The following CDYL variants were observed in gnomAD, a reference collection of about 807,000 sequenced individuals.
The protein encoded by CDYL is chromodomain Y-like protein.
A neutral mutation model predicts 47.3 loss-of-function variants in CDYL; 8 were observed. The ratio of observed to expected loss-of-function variants is 0.17; its 90% CI spans 0.10 to 0.31. The LOEUF (loss-of-function observed/expected upper bound fraction) is 0.31. CDYL is among the 10% of genes least tolerant of loss of function. The probability of loss-of-function intolerance (pLI) is 1.00; values close to 1 mark genes in which losing one functional copy is unlikely to be tolerated. For synonymous variants in CDYL, 266 were observed against 265.0 expected (o/e 1.00, Z -0.04); for missense variants, 471 against 701.4 (o/e 0.67, Z 3.71).
chr6:4,937,740 A>T lies in CDYL; in HGVS notation c.1121+3A>T. 1 of 1,598,414 alleles carries T rather than the reference A, an allele frequency of 6.3e-7. No individual in the cohort carries two copies. On this transcript the variant is annotated splice_donor_region_variant and intron_variant, in intron 4 of 6. Coordinates refer to ENST00000397588, the MANE Select transcript of CDYL (RefSeq NM_004824.4). Reference sequence around the variant, plus strand: ...ACTAAAATGGCAGAAGCTATCAGGTATGTAAAAATGATGTTTTTTAAACAT... The same window carrying T: ...ACTAAAATGGCAGAAGCTATCAGGTTTGTAAAAATGATGTTTTTTAAACAT...
chr6:4,955,050 CTATT>C lies in CDYL; in HGVS notation c.*995_*998del, dbSNP rs1758825404. On this transcript the variant is annotated 3_prime_UTR_variant, in exon 7 of 7. Coordinates refer to ENST00000397588, the MANE Select transcript of CDYL (RefSeq NM_004824.4). ...AATAAGTTAAAATTCTTTTGGCACA[CTATT>C]AAATGCAAAAACTCCTTTCAAAACA... 6.6e-6 allele frequency: 1 copy of C among 152,562 alleles called. No homozygotes were observed. Among genetic ancestry groups the C allele is most frequent in the South Asian group, 2.1e-4 (1 of 4,824 alleles). The allele number at this position is 152,562 out of a possible 1,614,324, so 9.5% of individuals were successfully genotyped here.
At chr6:4,763,609 A>G (rs1225081283) in intron 3 of CDYL, among the ~76,000 whole-genome samples, 1 of 152,220 alleles carries the variant, frequency 6.6e-6, no homozygotes, top group Non-Finnish European at 1.5e-5. Flanking sequence ...TTAAAGGAAT[A>G]TATGGCTTTC....
Position 4,847,696 on chromosome 6 carries a change from T to C in CDYL, c.25-44017T>C, listed in dbSNP as rs1760703933. ...TCTCCAGGATCAATCAGTGTGGTAA[T>C]TTCAAATTTCATACTTTAAAAATTG... On this transcript the variant is annotated intron_variant, in intron 1 of 6. Transcript: ENST00000397588. Among the ~76,000 whole-genome samples, 6 of 152,358 alleles carry C rather than the reference T, an allele frequency of 3.9e-5. No individual in the cohort carries two copies. The South Asian group carries it at 1.2e-3, about 32-fold the overall frequency.
At chr6:4,871,174 T>G (rs550309948) in intron 1 of CDYL, among the ~76,000 whole-genome samples, 11 of 152,346 alleles carry the variant, frequency 7.2e-5, no homozygotes, top group African/African-American at 2.4e-4. Flanking sequence ...TTTTGTTCTC[T>G]TCATCACTCC....
chr6:4,756,582 G>C (rs918128327), intron 3 of CDYL, among the ~76,000 whole-genome samples: 8 of 135,326 alleles, frequency 5.9e-5, no homozygotes, highest in African/African-American at 2.1e-4. Context: ...TCGTGTGTAT[G>C]TGTGTGTGTG....
chr6:4,769,129 G>C (rs1246628542), intron 3 of CDYL, among the ~76,000 whole-genome samples: 1 of 151,972 alleles, frequency 6.6e-6, no homozygotes, highest in South Asian at 2.1e-4. Context: ...GGGATCCCGG[G>C]GCAGAAAAAA....
chr6:4,749,150 T>C (rs1582308366), intron 3 of CDYL, among the ~76,000 whole-genome samples: 1 of 152,370 alleles, frequency 6.6e-6, no homozygotes, highest in African/African-American at 2.4e-5. Flanking sequence ...AAAAGTCTGT[T>C]TTTTAAAGTA....
At chr6:4,921,436 A>T (rs1302802757) in intron 2 of CDYL, among the ~76,000 whole-genome samples, 1 of 152,166 alleles carries the variant, frequency 6.6e-6, no homozygotes, top group Non-Finnish European at 1.5e-5. Flanking sequence ...AAACAAGAAG[A>T]CATATTGGGG....
intron 1 of CDYL, among the ~76,000 whole-genome samples, chr6:4,830,305 G>A (rs919895600): frequency 6.6e-6 from 1 of 152,226 alleles, no homozygotes; most frequent in African/African-American, 2.4e-5. Context: ...CCATCTAGAA[G>A]TCATCTGGTG....
intron 1 of CDYL, among the ~76,000 whole-genome samples, chr6:4,827,135 A>G (rs1176806469): frequency 6.6e-6 from 1 of 152,180 alleles, no homozygotes; most frequent in Non-Finnish European, 1.5e-5. Context: ...TCTCTTGCTT[A>G]CTATTTACAT....
At chr6:4,798,253 A>C (rs560031466) in intron 1 of CDYL, among the ~76,000 whole-genome samples, 1 of 152,264 alleles carries the variant, frequency 6.6e-6, no homozygotes, top group Non-Finnish European at 1.5e-5. Context: ...GATTACATGC[A>C]TGAGCCACCA....
In CDYL at chr6:4,793,437, G is replaced by C. The variant is rs138179414; in HGVS notation, c.24+16630G>C. On this transcript the variant is annotated intron_variant, in intron 1 of 6. Coordinates refer to ENST00000397588, the MANE Select transcript of CDYL (RefSeq NM_004824.4). ...TTGGGACTGGGGTTGGAGTGAGGCC[G>C]GCAGGAGGCCAGTGTCTCTGGAAAC... Among the ~76,000 whole-genome samples, 6 of 152,292 alleles carry C rather than the reference G, an allele frequency of 3.9e-5. No individual in the cohort carries two copies. The East Asian group carries it at 1.2e-3, about 29-fold the overall frequency.
In CDYL at chr6:4,806,256, C is replaced by G. The variant is rs1381744238; in HGVS notation, c.24+29449C>G. ...CTCCAGCACCCTCTGTTGGCAAAGC[C>G]TGGCATCAAGCGTCACCCAGGATTT... On this transcript the variant is annotated intron_variant, in intron 1 of 6. Coordinates refer to ENST00000397588, the MANE Select transcript of CDYL (RefSeq NM_004824.4). Among the ~76,000 whole-genome samples, 4 of 152,176 alleles carry G rather than the reference C, an allele frequency of 2.6e-5. No homozygotes were observed. The East Asian group carries it at 7.7e-4, about 29-fold the overall frequency.
At chr6:4,804,083 A>G (rs1420750256) in intron 1 of CDYL, among the ~76,000 whole-genome samples, 1 of 151,756 alleles carries the variant, frequency 6.6e-6, no homozygotes, top group Admixed American at 6.6e-5. Context: ...GTCAAGGTCC[A>G]TAATTTTATG....
In CDYL at chr6:4,941,928, G is replaced by A. The variant is rs114298724; in HGVS notation, c.1122-1618G>A. ...GGAAACAGCTGTTCCTTATCATTGAGAGACAGTTCAGCAGTTTTACCTTTT... is the reference window on the plus strand; with the variant it reads ...GGAAACAGCTGTTCCTTATCATTGAAAGACAGTTCAGCAGTTTTACCTTTT... On this transcript the variant is annotated intron_variant, in intron 4 of 6. Transcript: ENST00000397588. Among the ~76,000 whole-genome samples, 210 of 152,304 alleles carry A rather than the reference G, an allele frequency of 1.4e-3. 3 individuals carry two copies. Among genetic ancestry groups the A allele is most frequent in the African/African-American group, 4.7e-3 (195 of 41,552 alleles).
At chr6:4,824,274 A>G (rs1480996407) in intron 1 of CDYL, among the ~76,000 whole-genome samples, 1 of 152,106 alleles carries the variant, frequency 6.6e-6, no homozygotes, top group Non-Finnish European at 1.5e-5. Flanking sequence ...TGCATGGTGG[A>G]TCATTGTTGG....
intron 2 of CDYL, among the ~76,000 whole-genome samples, chr6:4,893,694 CAA>C (rs760685131): frequency 7.7e-4 from 79 of 103,184 alleles, no homozygotes; most frequent in Admixed American, 4.1e-4. Flanking sequence ...CTCCGTCTCC[CAA>C]AAAAAAAAAA....
chr6:4,762,711 A>G (rs1238414922), intron 3 of CDYL, among the ~76,000 whole-genome samples: 1 of 151,590 alleles, frequency 6.6e-6, no homozygotes, highest in Admixed American at 6.6e-5. Flanking sequence ...AAGAATTTGT[A>G]AACCAAAAGA....
At chr6:4,762,340 A>G (rs1357408836) in intron 3 of CDYL, among the ~76,000 whole-genome samples, 1 of 152,214 alleles carries the variant, frequency 6.6e-6, no homozygotes, top group African/African-American at 2.4e-5. Flanking sequence ...GGAGAAATAT[A>G]ACATCATCTC....
Sources: gnomAD v4.1 joint callset for allele counts (sites outside exome capture counted in the v4.1 genomes callset) on GRCh38, gnomAD v4.1.1 for gene constraint, MANE v1.5 for transcripts, NCBI Gene and HGNC (gene_info 2026-07-23, HGNC 2026-07-21) for gene names.